BMP6: variants seen among roughly 807,000 people sequenced by gnomAD.
BMP6 encodes the protein bone morphogenetic protein 6, also known as VG-1-R.
BMP6 carries 17 observed loss-of-function variants against 54.1 expected under a neutral mutation model. That is an observed-to-expected ratio of 0.31 (90% CI 0.22 to 0.47). The LOEUF (loss-of-function observed/expected upper bound fraction) is 0.47, where lower values mean the gene tolerates loss of function less well. BMP6 is among the 20% of genes least tolerant of loss of function. BMP6 has a pLI of 1.00. For synonymous variants in BMP6, 328 were observed against 291.2 expected (o/e 1.13, Z -1.28); for missense variants, 720 against 690.4 (o/e 1.04, Z -0.48).
intron 1 of BMP6, among the ~76,000 whole-genome samples, chr6:7,730,230 C>T (rs762200002): frequency 6.6e-6 from 1 of 152,202 alleles, no homozygotes; most frequent in Non-Finnish European, 1.5e-5. Context: ...AGCTGGCTGT[C>T]AGCTAATCCT....
intron 1 of BMP6, among the ~76,000 whole-genome samples, chr6:7,732,920 A>G (rs992236937): frequency 1.3e-5 from 2 of 150,454 alleles, no homozygotes; most frequent in African/African-American, 4.9e-5. Flanking sequence ...TTTTTAAGAC[A>G]GTATCTTTTT....
At chr6:7,761,763 C>T (rs80312400) in intron 1 of BMP6, among the ~76,000 whole-genome samples, 1,551 of 152,310 alleles carry the variant, frequency 0.01, 21 homozygotes, top group African/African-American at 0.036. Flanking sequence ...ACTCCCTTTC[C>T]TCAAAGTCTT....
chr6:7,746,722 A>G (rs1757352237), intron 1 of BMP6, among the ~76,000 whole-genome samples: 1 of 152,174 alleles, frequency 6.6e-6, no homozygotes, highest in Non-Finnish European at 1.5e-5. Context: ...TTACAATTAA[A>G]AACACACCTT....
At chr6:7,779,498 C>A (rs757030865) in intron 1 of BMP6, among the ~76,000 whole-genome samples, 37 of 151,968 alleles carry the variant, frequency 2.4e-4, no homozygotes, top group Non-Finnish European at 4.3e-4. Flanking sequence ...ACCACCACGC[C>A]CAGGCTAATT....
chr6:7,847,051 GC>G (rs1323128706), intron 2 of BMP6, among the ~76,000 whole-genome samples: 4 of 152,180 alleles, frequency 2.6e-5, no homozygotes, highest in Non-Finnish European at 5.9e-5. Context: ...GAGAAAGTTA[GC>G]AGAACATTTG....
intron 2 of BMP6, among the ~76,000 whole-genome samples, chr6:7,857,451 T>A (rs1042963580): frequency 6.6e-6 from 1 of 152,220 alleles, no homozygotes; most frequent in African/African-American, 2.4e-5. Context: ...AATAACTGCA[T>A]TAAAAATTAT....
At chr6:7,749,210 G>T (rs984080778) in intron 1 of BMP6, among the ~76,000 whole-genome samples, 5 of 152,210 alleles carry the variant, frequency 3.3e-5, no homozygotes, top group African/African-American at 1.2e-4. Flanking sequence ...GCTGTGCTTA[G>T]CTCGGATTGC....
intron 1 of BMP6, among the ~76,000 whole-genome samples, chr6:7,788,925 C>T (rs765795192): frequency 8.0e-5 from 12 of 150,352 alleles, no homozygotes; most frequent in Non-Finnish European, 1.5e-4. Flanking sequence ...GGTGCTTCCT[C>T]AGGAATGCAT....
At chr6:7,873,512 T>G (rs2113291403) in intron 4 of BMP6, among the ~76,000 whole-genome samples, 1 of 152,234 alleles carries the variant, frequency 6.6e-6, no homozygotes, top group Admixed American at 6.5e-5. Flanking sequence ...TCTGGAGTTT[T>G]TATGTGGGGT....
chr6:7,832,408 G>C (rs184801297), intron 1 of BMP6, among the ~76,000 whole-genome samples: 1 of 152,148 alleles, frequency 6.6e-6, no homozygotes, highest in African/African-American at 2.4e-5. Context: ...ACCATGTGAG[G>C]GCACAGCGAG....
rs778406536 is a variant in BMP6, at chr6:7,845,232, G to A, written c.757G>A (p.Ala253Thr). 8.1e-6 allele frequency: 13 copies of A among 1,613,980 alleles called. No individual in the cohort carries two copies. The Admixed American group carries it at 1.5e-4, about 19-fold the overall frequency. ...SQIPEGEVVTAAEFRIYKDCV... is the reference protein window; with the variant it reads ...SQIPEGEVVTTAEFRIYKDCV... Reference sequence around the variant, plus strand: ...GATTCCTGAGGGTGAGGTGGTGACGGCTGCAGAATTCCGCATCTACAAGGA... The same window carrying A: ...GATTCCTGAGGGTGAGGTGGTGACGACTGCAGAATTCCGCATCTACAAGGA... Residue 253 changes from alanine to threonine, a missense_variant, in exon 2 of 7, where the codon GCT (alanine) becomes ACT (threonine). Physicochemically the swap from Ala to Thr is moderately conservative, Grantham distance 58 (BLOSUM62 0). Coordinates refer to ENST00000283147, the MANE Select transcript of BMP6 (RefSeq NM_001718.6).
At chr6:7,824,449 T>C (rs977461752) in intron 1 of BMP6, among the ~76,000 whole-genome samples, 2 of 152,188 alleles carry the variant, frequency 1.3e-5, no homozygotes, top group Non-Finnish European at 2.9e-5. Flanking sequence ...TCCTTTCTGA[T>C]TGATAAACAA....
chr6:7,869,479 G>A (rs951046702), intron 4 of BMP6, among the ~76,000 whole-genome samples: 1 of 152,240 alleles, frequency 6.6e-6, no homozygotes, highest in Admixed American at 6.5e-5. Flanking sequence ...TGCATGTGCC[G>A]CTGCCTGGGG....
chr6:7,728,195 G>C (rs881891), intron 1 of BMP6, among the ~76,000 whole-genome samples: 78,715 of 151,992 alleles, frequency 0.52, 21,074 homozygotes, highest in African/African-American at 0.67. Context: ...GTCCCAAAAG[G>C]ACCGCGGAAG....
chr6:7,832,881 G>A (rs1758813443), intron 1 of BMP6, among the ~76,000 whole-genome samples: 2 of 151,446 alleles, frequency 1.3e-5, no homozygotes, highest in Admixed American at 1.3e-4. Flanking sequence ...GGGCAGTGTG[G>A]TGGGACAAAT....
chr6:7,731,933 A>G (rs1761866566), intron 1 of BMP6, among the ~76,000 whole-genome samples: 1 of 152,226 alleles, frequency 6.6e-6, no homozygotes, highest in South Asian at 2.1e-4. Context: ...TTAAATGGCA[A>G]TTTAAAAAAC....
intron 4 of BMP6, among the ~76,000 whole-genome samples, chr6:7,867,605 C>G (rs573434873): frequency 6.6e-6 from 1 of 152,240 alleles, no homozygotes; most frequent in South Asian, 2.1e-4. Context: ...GTTTCTAGTT[C>G]TCCAGGAAAG....
intron 1 of BMP6, among the ~76,000 whole-genome samples, chr6:7,735,617 A>G (rs1761942591): frequency 6.6e-6 from 1 of 152,170 alleles, no homozygotes; most frequent in Non-Finnish European, 1.5e-5. Flanking sequence ...TTTGAGGTTC[A>G]CAGCAAAACT....
chr6:7,729,484 G>C (rs938254843), intron 1 of BMP6, among the ~76,000 whole-genome samples: 1 of 152,194 alleles, frequency 6.6e-6, no homozygotes, highest in African/African-American at 2.4e-5. Flanking sequence ...TCCTGGGCTT[G>C]AACCGAGGTT....
Sources: gnomAD v4.1 joint callset for allele counts (sites outside exome capture counted in the v4.1 genomes callset) on GRCh38, gnomAD v4.1.1 for gene constraint, MANE v1.5 for transcripts, NCBI Gene and HGNC (gene_info 2026-07-23, HGNC 2026-07-21) for gene names.